Variants in ANKRD44 observed in about 807,000 individuals in gnomAD.
ANKRD44 encodes serine/threonine-protein phosphatase 6 regulatory ankyrin repeat subunit B.
A neutral mutation model predicts 116.0 loss-of-function variants in ANKRD44; 35 were observed. The ratio of observed to expected loss-of-function variants is 0.30; its 90% CI spans 0.23 to 0.40. The LOEUF is 0.40. Ranked by LOEUF, ANKRD44 falls within the 10% of genes least tolerant of loss-of-function variation. The pLI, the probability that ANKRD44 is intolerant of heterozygous loss-of-function variation, is 1.00. For missense variants in ANKRD44, 1,014 were observed against 1,242.6 expected (o/e 0.82, Z 2.77); for synonymous variants, 435 against 461.8 (o/e 0.94, Z 0.74).
intron 6 of ANKRD44, 39 bp from the exon 7 acceptor site, chr2:197,122,831 A>G (rs2078888287): frequency 6.3e-7 from 1 of 1,599,368 alleles, no homozygotes; most frequent in Non-Finnish European, 8.5e-7. Context: ...GTTAACCTTT[A>G]TAGGACAATT....
At chr2:197,103,201 C>A (rs1245323258) in intron 9 of ANKRD44, among the ~76,000 whole-genome samples, 1 of 144,874 alleles carries the variant, frequency 6.9e-6, no homozygotes, top group Non-Finnish European at 1.5e-5. Context: ...GCGCTCCAGC[C>A]TGGGCGACAG....
chr2:197,086,543 G>T, intron 13 of ANKRD44, 137 bp downstream of exon 13: 1 of 721,754 alleles, frequency 1.4e-6, no homozygotes, highest in East Asian at 2.8e-5. Flanking sequence ...TCTATGAGAA[G>T]GGACTTCCTT....
Position 197,220,915 on chromosome 2 carries a change from A to T in ANKRD44, c.28-33809T>A, listed in dbSNP as rs559132923. ...CATTTTTACAAAAACAACTTGGAGAACATACTCTCCTAAGTTAACATTATT... is the reference window on the plus strand; with the variant it reads ...CATTTTTACAAAAACAACTTGGAGATCATACTCTCCTAAGTTAACATTATT... On this transcript the variant is annotated intron_variant, in intron 1 of 27. Coordinates refer to ENST00000282272, the MANE Select transcript of ANKRD44 (RefSeq NM_001195144.2). 2.0e-5 allele frequency among the ~76,000 whole-genome samples: 3 copies of T among 152,292 alleles called. No individual in the cohort carries two copies. In the East Asian group the frequency reaches 5.8e-4, roughly 29 times the overall value.
intron 16 of ANKRD44, among the ~76,000 whole-genome samples, chr2:197,046,523 CTGT>C (rs143561426): frequency 0.013 from 1,937 of 151,960 alleles, 18 homozygotes; most frequent in Non-Finnish European, 0.021. Flanking sequence ...TCCCAGGAGC[CTGT>C]TGTTACAGAA....
chr2:197,287,786 G>A (rs1016390524), intron 1 of ANKRD44, among the ~76,000 whole-genome samples: 6 of 151,974 alleles, frequency 3.9e-5, no homozygotes, highest in East Asian at 1.9e-4. Flanking sequence ...TTGGGAGGCC[G>A]AGGCGGGCAT....
chr2:197,221,888 G>T (rs2081593547), intron 1 of ANKRD44, among the ~76,000 whole-genome samples: 1 of 152,190 alleles, frequency 6.6e-6, no homozygotes, highest in Non-Finnish European at 1.5e-5. Flanking sequence ...AGTGTTAAGG[G>T]TGGGAAGGCT....
intron 1 of ANKRD44, among the ~76,000 whole-genome samples, chr2:197,227,014 C>A (rs545359132): frequency 6.6e-6 from 1 of 152,318 alleles, no homozygotes; most frequent in South Asian, 2.1e-4. Context: ...GAGTTCACTG[C>A]TGTCAGGACA....
chr2:197,053,647 C>T (rs2077153357), intron 16 of ANKRD44, among the ~76,000 whole-genome samples: 1 of 152,132 alleles, frequency 6.6e-6, no homozygotes, highest in African/African-American at 2.4e-5. Flanking sequence ...CCATGCCCAT[C>T]TAATTTTGTA....
At chr2:197,261,399 A>G (rs1976964) in intron 1 of ANKRD44, among the ~76,000 whole-genome samples, 116,756 of 151,508 alleles carry the variant, frequency 0.77, 45,153 homozygotes, top group South Asian at 0.82. Context: ...GATATGTGGA[A>G]TTATTTCTGA....
At chr2:197,041,264 T>C (rs2076905785) in intron 16 of ANKRD44, among the ~76,000 whole-genome samples, 1 of 152,176 alleles carries the variant, frequency 6.6e-6, no homozygotes, top group Non-Finnish European at 1.5e-5. Flanking sequence ...TGAGAAATCA[T>C]AGGCTCCTCT....
intron 21 of ANKRD44, among the ~76,000 whole-genome samples, chr2:196,971,687 G>C (rs1240671041): frequency 6.6e-6 from 1 of 152,196 alleles, no homozygotes; most frequent in Non-Finnish European, 1.5e-5. Context: ...TACCAGAAGA[G>C]GATACTGGCT....
intron 8 of ANKRD44, among the ~76,000 whole-genome samples, chr2:197,118,835 G>A (rs2078784444): frequency 6.6e-6 from 1 of 151,992 alleles, no homozygotes; most frequent in Admixed American, 6.5e-5. Flanking sequence ...GCATTTCAAT[G>A]TTTTCATTGA....
intron 10 of ANKRD44, among the ~76,000 whole-genome samples, chr2:197,096,620 A>G (rs912080833): frequency 6.6e-6 from 1 of 152,176 alleles, no homozygotes; most frequent in Non-Finnish European, 1.5e-5. Context: ...ATAATGATAA[A>G]ACTTGTCATA....
chr2:197,066,412 T>A (rs2077434609), intron 16 of ANKRD44, among the ~76,000 whole-genome samples: 1 of 152,104 alleles, frequency 6.6e-6, no homozygotes, highest in South Asian at 2.1e-4. Context: ...CCACTCCTAT[T>A]CAACACAGTG....
intron 1 of ANKRD44, among the ~76,000 whole-genome samples, chr2:197,188,434 G>A (rs2080740204): frequency 6.6e-6 from 1 of 152,204 alleles, no homozygotes; most frequent in Admixed American, 6.5e-5. Context: ...AGAGTGTGGG[G>A]TAAAAGAGGA....
chr2:197,183,543 C>T (rs2080569058), intron 2 of ANKRD44, among the ~76,000 whole-genome samples: 1 of 152,146 alleles, frequency 6.6e-6, no homozygotes, highest in Non-Finnish European at 1.5e-5. Flanking sequence ...AATCCACCCC[C>T]AGCAAAAATA....
chr2:196,967,841 T>C (rs2075684835), intron 21 of ANKRD44, among the ~76,000 whole-genome samples: 1 of 152,070 alleles, frequency 6.6e-6, no homozygotes, highest in Non-Finnish European at 1.5e-5. Flanking sequence ...TCATGCTGAA[T>C]TGTAATCCCC....
chr2:197,219,158 C>A (rs1194345949), intron 1 of ANKRD44, among the ~76,000 whole-genome samples: 1 of 151,370 alleles, frequency 6.6e-6, no homozygotes, highest in Admixed American at 6.6e-5. Context: ...CAACCTCTGC[C>A]TCCCAGGTTC....
At chr2:197,052,444 C>T (rs1212737247) in intron 16 of ANKRD44, among the ~76,000 whole-genome samples, 4 of 152,090 alleles carry the variant, frequency 2.6e-5, no homozygotes, top group Non-Finnish European at 5.9e-5. Flanking sequence ...ATCTTACCCA[C>T]ATTACAGATG....
Sources: gnomAD v4.1 joint callset for allele counts (sites outside exome capture counted in the v4.1 genomes callset) on GRCh38, gnomAD v4.1.1 for gene constraint, MANE v1.5 for transcripts, NCBI Gene and HGNC (gene_info 2026-07-23, HGNC 2026-07-21) for gene names.